The following VPS13D variants were observed in gnomAD, a reference collection of about 807,000 sequenced individuals.
VPS13D encodes the protein intermembrane lipid transfer protein VPS13D.
Under a neutral mutation model 461.9 loss-of-function variants are expected in VPS13D, and 187 were observed. The observed-to-expected ratio is 0.40, with a 90% CI of 0.36 to 0.46. The LOEUF (loss-of-function observed/expected upper bound fraction) is 0.46, where lower values mean the gene tolerates loss of function less well. Among genes scored for constraint, VPS13D ranks in the 20% least tolerant of loss-of-function variants. The pLI, the probability that VPS13D is intolerant of heterozygous loss-of-function variation, is 0.60. For missense variants in VPS13D, 4,711 were observed against 5,364.9 expected (o/e 0.88, Z 3.81); for synonymous variants, 1,951 against 1,986.3 (o/e 0.98, Z 0.47).
chr1:12,343,467 G>A (rs2101579509), intron 42 of VPS13D, among the ~76,000 whole-genome samples: 1 of 152,184 alleles, frequency 6.6e-6, no homozygotes, highest in Non-Finnish European at 1.5e-5. Context: ...ACCACACCTG[G>A]CCCCTTATTA....
At chr1:12,467,419 C>T (rs1042975206) in intron 67 of VPS13D, among the ~76,000 whole-genome samples, 1 of 152,216 alleles carries the variant, frequency 6.6e-6, no homozygotes, top group African/African-American at 2.4e-5. Context: ...ATCTGCCGAC[C>T]TTGGCCTTTC....
chr1:12,367,042 C>T (rs927441976), intron 52 of VPS13D, among the ~76,000 whole-genome samples: 5 of 152,136 alleles, frequency 3.3e-5, no homozygotes, highest in African/African-American at 1.2e-4. Context: ...GAATGTCCTT[C>T]ATAGCAACTC....
At chr1:12,460,495 A>G in intron 67 of VPS13D, 99 bp downstream of exon 67, 1 of 1,136,678 alleles carries the variant, frequency 8.8e-7, no homozygotes, top group East Asian at 3.0e-5. Flanking sequence ...TTTCTTAGTT[A>G]TAGGGTTTTT....
At position 12,308,578 on chromosome 1, in the gene VPS13D, C is replaced by G; in HGVS notation, c.6587C>G (p.Thr2196Arg). ...TTCCCTTCCTATTTTGTGCGACAGA[C>G]AGGAGGAAGCCTCTTAACCGAGCCT... ...LIFPSYFVRQ[T>R]GGSLLTEPCR... is the part of the protein sequence containing the mutation. The change falls in exon 27 of 70, where the codon ACA (threonine) becomes AGA (arginine). Residue 2196 changes from threonine (T) to arginine (R), a missense_variant. Thr to Arg is a moderately conservative substitution (Grantham distance 71). Coordinates refer to ENST00000620676, the MANE Select transcript of VPS13D (RefSeq NM_015378.4). 1 of 1,613,704 alleles carries G rather than the reference C, an allele frequency of 6.2e-7. No individual in the cohort carries two copies. Among genetic ancestry groups the G allele is most frequent in the South Asian group, 1.1e-5 (1 of 91,046 alleles).
chr1:12,342,703 T>C, intron 41 of VPS13D, 196 bp from the exon 42 acceptor site: 1 of 506,442 alleles, frequency 2.0e-6, no homozygotes, highest in Non-Finnish European at 3.4e-6. Flanking sequence ...GTTTCTAAAA[T>C]GTCAAATAAG....
intron 41 of VPS13D, 30 bp downstream of exon 41, chr1:12,341,915 C>T (rs1054951374): frequency 6.2e-7 from 1 of 1,605,706 alleles, no homozygotes; most frequent in South Asian, 1.1e-5. Context: ...TACCCCGAGT[C>T]ATCTCTGCCA....
At chr1:12,242,629 T>C in intron 3 of VPS13D, 39 bp downstream of exon 3, 1 of 1,565,508 alleles carries the variant, frequency 6.4e-7, no homozygotes. Flanking sequence ...ATTTGAGTCT[T>C]AAATTGTTTG....
At chr1:12,318,385 G>C (rs1436003334) in intron 31 of VPS13D, 48 bp downstream of exon 31, 2 of 1,572,074 alleles carry the variant, frequency 1.3e-6, no homozygotes, top group African/African-American at 2.7e-5. Context: ...TGGATGTTAG[G>C]CTCAATATCT....
intron 60 of VPS13D, 114 bp downstream of exon 60, chr1:12,386,448 C>A: frequency 8.0e-7 from 1 of 1,247,444 alleles, no homozygotes; most frequent in Non-Finnish European, 1.1e-6. Flanking sequence ...TATCTTGTGG[C>A]CTTCAAAAAA....
At chr1:12,265,262 C>A (rs1255895741) in intron 13 of VPS13D, among the ~76,000 whole-genome samples, 1 of 152,066 alleles carries the variant, frequency 6.6e-6, no homozygotes, top group East Asian at 1.9e-4. Flanking sequence ...GCCCATGGAT[C>A]CAGGAGTAAT....
At position 12,507,178 on chromosome 1, in the gene VPS13D, G is replaced by A. The variant is rs7554257; in HGVS notation, c.13035+85G>A. On this transcript the variant is annotated intron_variant, in intron 69 of 69. Transcript: ENST00000620676. This position sits in a 1 kb window ranked among gnomAD's most constrained non-coding sequence, Gnocchi z 5.3. ...CCCTGCTTCCCCGTCCTCAGCAGGA[G>A]CTCATTTAGGAGGTTGAGGCTGGGC... 0.035 allele frequency: 55,737 copies of A among 1,606,208 alleles called. 1,143 individuals are homozygous for A. Among genetic ancestry groups the A allele is most frequent in the Non-Finnish European group, 0.041 (47,918 of 1,175,820 alleles).
chr1:12,380,471 C>A (rs979520615), intron 57 of VPS13D, among the ~76,000 whole-genome samples: 1 of 152,142 alleles, frequency 6.6e-6, no homozygotes, highest in East Asian at 1.9e-4. Context: ...TGGACAGTTT[C>A]CTCCTCAGCC....
rs79718316 is a variant in VPS13D at position 12,370,390 on chromosome 1, A to G, written c.10808+688A>G. Among the ~76,000 whole-genome samples the G allele has an allele frequency of 7.6e-3, 1,160 of 152,382 alleles. 6 individuals are homozygous for G. The highest frequency in any genetic ancestry group is 8.6e-3 in the Non-Finnish European group (583 of 68,034). ...TCTGTGAAGAAATGGAAAATAGCTT[A>G]ATCTTTAACATTACAAATATAAATC... On this transcript the variant is annotated intron_variant, in intron 54 of 69. Transcript: ENST00000620676.
rs544216754 is a variant in VPS13D, at chr1:12,365,614, G to A, written c.10448+2367G>A. On this transcript the variant is annotated intron_variant, in intron 52 of 69. Coordinates refer to ENST00000620676, the MANE Select transcript of VPS13D (RefSeq NM_015378.4). ...AGCTACTCAGGAGGCTGAGGCAGGA[G>A]AATCACTTGAACCCAGGAGGCGGAG... Among the ~76,000 whole-genome samples, 28 of 151,590 alleles carry A rather than the reference G, an allele frequency of 1.8e-4. 1 individual carries two copies. In the East Asian group the frequency reaches 5.5e-3, roughly 30 times the overall value.
rs1163137982 is a variant in VPS13D, at chr1:12,344,066, G to A, written c.8885+1015G>A. Among the ~76,000 whole-genome samples the A allele has an allele frequency of 4.6e-5, 7 of 152,190 alleles. No individual in the cohort carries two copies. In the East Asian group the frequency reaches 1.2e-3, roughly 25 times the overall value. On this transcript the variant is annotated intron_variant, in intron 42 of 69. Transcript: ENST00000620676. ...AAAACTGGAATGAATGTGAGAAAATGTTCTATCTGATTACTGAGAGATCAT... is the reference window on the plus strand; with the variant it reads ...AAAACTGGAATGAATGTGAGAAAATATTCTATCTGATTACTGAGAGATCAT...
At chr1:12,334,176 G>A (rs945312500) in intron 38 of VPS13D, among the ~76,000 whole-genome samples, 1 of 152,184 alleles carries the variant, frequency 6.6e-6, no homozygotes, top group Non-Finnish European at 1.5e-5. Flanking sequence ...TGTGAAATGA[G>A]ACCATAAGTT....
chr1:12,443,849 CT>C (rs796680444), intron 65 of VPS13D, among the ~76,000 whole-genome samples: 94 of 143,254 alleles, frequency 6.6e-4, no homozygotes, highest in East Asian at 8.1e-4. Flanking sequence ...TTTTGTTTTT[CT>C]TTTTTTTTTT....
At chr1:12,451,728 G>A (rs963352150) in intron 65 of VPS13D, among the ~76,000 whole-genome samples, 1 of 152,198 alleles carries the variant, frequency 6.6e-6, no homozygotes, top group African/African-American at 2.4e-5. Flanking sequence ...GATAGCTTCC[G>A]CTTTGCTGGG....
intron 67 of VPS13D, among the ~76,000 whole-genome samples, chr1:12,483,763 G>T (rs1645755630): frequency 6.6e-6 from 1 of 151,824 alleles, no homozygotes; most frequent in South Asian, 2.1e-4. Flanking sequence ...ACTTTGGGAG[G>T]CCGAGGTGGG....
Sources: gnomAD v4.1 joint callset for allele counts (sites outside exome capture counted in the v4.1 genomes callset) on GRCh38, gnomAD v4.1.1 for gene constraint, Gnocchi (gnomAD v3.1) non-coding constraint, MANE v1.5 for transcripts, NCBI Gene and HGNC (gene_info 2026-07-23, HGNC 2026-07-21) for gene names.